The following HRH1 variants were observed in gnomAD, a reference collection of about 807,000 sequenced individuals.
HRH1 encodes histamine H1 receptor.
Under a neutral mutation model 10.3 loss-of-function variants are expected in HRH1, and 6 were observed. The observed-to-expected ratio is 0.58, with a 90% CI of 0.32 to 1.15. HRH1 has a LOEUF of 1.15. Among genes scored for constraint, HRH1 ranks in the 50% most tolerant of loss-of-function variants. The probability of loss-of-function intolerance (pLI) is 0.05; values close to 1 mark genes in which losing one functional copy is unlikely to be tolerated. For synonymous variants in HRH1, 242 were observed against 236.7 expected, an observed-to-expected ratio of 1.02 and a Z score of -0.21; for missense variants, 514 against 615.3, an observed-to-expected ratio of 0.84 and a Z score of 1.74.
chr3:11,182,164 G>T (rs1937370198), intron 1 of HRH1, among the ~76,000 whole-genome samples: 1 of 151,380 alleles, frequency 6.6e-6, no homozygotes, highest in African/African-American at 2.4e-5. Context: ...TGTATTTTTA[G>T]TAGAGACAGG....
intron 1 of HRH1, among the ~76,000 whole-genome samples, chr3:11,223,486 G>A (rs1244370702): frequency 1.6e-5 from 2 of 122,358 alleles, no homozygotes; most frequent in African/African-American, 3.3e-5. Flanking sequence ...GCGACAGAGC[G>A]AGACTCCATC....
intron 1 of HRH1, among the ~76,000 whole-genome samples, chr3:11,227,980 A>G (rs966619450): frequency 2.6e-5 from 4 of 152,232 alleles, no homozygotes; most frequent in Non-Finnish European, 5.9e-5. Context: ...TTCCATCTCT[A>G]GTGGCTTGGC....
At chr3:11,169,229 G>A (rs149803722) in intron 1 of HRH1, among the ~76,000 whole-genome samples, 31 of 152,286 alleles carry the variant, frequency 2.0e-4, no homozygotes, top group Middle Eastern at 3.4e-3. Context: ...GTGGGGGTGA[G>A]GAGTAAGGGA....
intron 1 of HRH1, among the ~76,000 whole-genome samples, chr3:11,144,250 C>T (rs1213500949): frequency 2.0e-5 from 3 of 151,412 alleles, no homozygotes; most frequent in African/African-American, 7.3e-5. Flanking sequence ...CACCTGCACG[C>T]GTATGTTTAT....
rs201790628 is a variant in HRH1, at chr3:11,259,376, G to A, written c.339G>A (p.Ala113=). 2.8e-4 allele frequency: 451 copies of A among 1,613,750 alleles called. 4 individuals are homozygous for A. In the South Asian group the frequency reaches 3.6e-3, roughly 13 times the overall value. The part of the protein sequence containing the change: ...WLSMDYVAST[A]SIFSVFILCI... ...CCATGGACTATGTGGCCAGCACAGC[G>A]TCCATTTTCAGTGTCTTCATCCTGT... The change falls in exon 2 of 2, where the codon GCG becomes GCA. Residue 113 remains alanine, a synonymous_variant. Coordinates refer to ENST00000431010, the MANE Select transcript of HRH1 (RefSeq NM_001098212.2). The surrounding 1 kb of genome is among the most constrained non-coding windows in gnomAD (Gnocchi z 4.6).
At chr3:11,215,676 C>T (rs1040072426) in intron 1 of HRH1, among the ~76,000 whole-genome samples, 2 of 152,194 alleles carry the variant, frequency 1.3e-5, no homozygotes, top group African/African-American at 4.8e-5. Context: ...CTCCTGACCT[C>T]GTGATCCGCC....
chr3:11,250,919 C>T (rs1399095067), intron 1 of HRH1, among the ~76,000 whole-genome samples: 1 of 152,142 alleles, frequency 6.6e-6, no homozygotes, highest in Non-Finnish European at 1.5e-5. Flanking sequence ...CCTACGCATC[C>T]ATAAACTCTG....
chr3:11,242,509 A>AAAAAT lies in HRH1; in HGVS notation c.-35-16494_-35-16493insAAAAT, dbSNP rs1559283215. ...AAAAAAAAAAAAAAAAAAAAAAAAA[A>AAAAAT]GCTGTAACACTCACTGCAAAGGTCT... is the stretch of plus-strand genomic sequence containing the variant. On this transcript the variant is annotated intron_variant, in intron 1 of 1. Coordinates refer to ENST00000431010, the MANE Select transcript of HRH1 (RefSeq NM_001098212.2). Among the ~76,000 whole-genome samples the AAAAAT allele has an allele frequency of 4.1e-5, 5 of 120,808 alleles. 1 individual carries two copies. The highest frequency in any genetic ancestry group is 1.3e-4 in the African/African-American group (4 of 30,220). The allele number at this position is 120,808 out of a possible 152,430, so 79.3% of individuals were successfully genotyped here. A position where few individuals can be genotyped will look rare whatever the true frequency, so the allele number is the denominator to read the frequency against.
chr3:11,137,418 C>T (rs1936202978), intron 1 of HRH1: 1 of 152,724 alleles, frequency 6.5e-6, no homozygotes, highest in African/African-American at 2.4e-5. Context: ...CAATTACCGC[C>T]TAGACTCCGC....
intron 1 of HRH1, among the ~76,000 whole-genome samples, chr3:11,248,045 AAGG>A (rs1310458517): frequency 6.6e-6 from 1 of 152,184 alleles, no homozygotes; most frequent in Non-Finnish European, 1.5e-5. Flanking sequence ...TTTATTTGAT[AAGG>A]AGGTAAGGCC....
intron 1 of HRH1, among the ~76,000 whole-genome samples, chr3:11,199,432 G>T (rs1937812184): frequency 6.6e-6 from 1 of 151,998 alleles, no homozygotes; most frequent in African/African-American, 2.4e-5. Flanking sequence ...CTATCTCCTT[G>T]CCTGGCTAAT....
chr3:11,201,976 A>C (rs949989155), intron 1 of HRH1, among the ~76,000 whole-genome samples: 3 of 152,212 alleles, frequency 2.0e-5, no homozygotes, highest in Non-Finnish European at 4.4e-5. Context: ...TCACCGGGGC[A>C]GGCACCAGGA....
intron 1 of HRH1, among the ~76,000 whole-genome samples, chr3:11,179,287 T>A (rs1193339514): frequency 1.4e-5 from 2 of 140,342 alleles, no homozygotes; most frequent in Admixed American, 1.4e-4. Context: ...AACTTCATCT[T>A]AAAAAAATAA....
intron 1 of HRH1, among the ~76,000 whole-genome samples, chr3:11,242,111 G>T (rs2152580948): frequency 6.6e-6 from 1 of 152,266 alleles, no homozygotes; most frequent in South Asian, 2.1e-4. Context: ...TCACCTTCTA[G>T]GCTGTAGAAG....
intron 1 of HRH1, among the ~76,000 whole-genome samples, chr3:11,199,602 C>T (rs558373966): frequency 1.8e-4 from 27 of 152,196 alleles, no homozygotes; most frequent in Non-Finnish European, 3.5e-4. Flanking sequence ...AATTGCCTGC[C>T]TGCCTATCTG....
chr3:11,210,192 A>C (rs1414512507), intron 1 of HRH1, among the ~76,000 whole-genome samples: 1 of 152,016 alleles, frequency 6.6e-6, no homozygotes, highest in Non-Finnish European at 1.5e-5. Context: ...AGGAGTTCAG[A>C]GCAACCTGGG....
intron 1 of HRH1, among the ~76,000 whole-genome samples, chr3:11,173,552 C>T (rs942649520): frequency 2.0e-5 from 3 of 151,634 alleles, no homozygotes; most frequent in African/African-American, 7.3e-5. Flanking sequence ...CAGGCACCCG[C>T]CACCACACCC....
intron 1 of HRH1, among the ~76,000 whole-genome samples, chr3:11,216,887 A>G (rs1938517733): frequency 6.6e-6 from 1 of 150,700 alleles, no homozygotes; most frequent in African/African-American, 2.4e-5. Context: ...CTCAAAAAAA[A>G]AAGACCAAAA....
At chr3:11,154,148 G>A (rs1285236596), upstream of HRH1, among the ~76,000 whole-genome samples, 1 of 152,140 alleles carries the variant, frequency 6.6e-6, no homozygotes, top group East Asian at 1.9e-4. This position sits in a 1 kb window ranked among gnomAD's most constrained non-coding sequence, Gnocchi z 4.4. Flanking sequence ...TGCGTGGGTG[G>A]GGGTGGAGTT....
Sources: allele counts gnomAD v4.1 joint callset (sites outside exome capture counted in the v4.1 genomes callset), GRCh38; gene constraint gnomAD v4.1.1; non-coding constraint Gnocchi (gnomAD v3.1); transcripts MANE v1.5; gene names NCBI Gene and HGNC (gene_info 2026-07-23, HGNC 2026-07-21).